Variants in BORCS5 observed in about 807,000 individuals in gnomAD.
The protein encoded by BORCS5 is BLOC-1 related complex subunit 5.
In BORCS5, 17 loss-of-function variants were observed where a neutral mutation model predicts 22.1. The observed-to-expected ratio is 0.77, with a 90% CI of 0.53 to 1.15. The LOEUF (loss-of-function observed/expected upper bound fraction) is 1.15. BORCS5 is among the 50% of genes most tolerant of loss of function. The pLI is 0.00. For missense variants in BORCS5, 247 were observed against 253.2 expected, an observed-to-expected ratio of 0.98 and a Z score of 0.17; for synonymous variants, 117 against 99.8, an observed-to-expected ratio of 1.17 and a Z score of -1.03.
intron 2 of BORCS5, 43 bp from the exon 3 acceptor site, chr12:12,435,585 T>TA: frequency 6.5e-7 from 1 of 1,549,752 alleles, no homozygotes; most frequent in South Asian, 1.2e-5. Flanking sequence ...ACAAGTTTAT[T>TA]AGCAGTAATT....
At chr12:12,398,268 G>A (rs1941395661) in intron 2 of BORCS5, among the ~76,000 whole-genome samples, 1 of 152,190 alleles carries the variant, frequency 6.6e-6, no homozygotes, top group South Asian at 2.1e-4. Flanking sequence ...CACTTGGCAA[G>A]AAGCAACTCT....
intron 3 of BORCS5, among the ~76,000 whole-genome samples, chr12:12,438,841 G>T (rs868056705): frequency 2.0e-5 from 3 of 152,146 alleles, no homozygotes; most frequent in South Asian, 2.1e-4. Context: ...AAAAGTGAAG[G>T]ATTCTTTTAA....
intron 2 of BORCS5, among the ~76,000 whole-genome samples, chr12:12,383,564 A>C (rs1354934689): frequency 6.7e-6 from 1 of 150,162 alleles, no homozygotes; most frequent in Non-Finnish European, 1.5e-5. Context: ...ATTCACTAGC[A>C]GATTTTCTCA....
chr12:12,462,652 T>TTATTG (rs1943129048), intron 3 of BORCS5, among the ~76,000 whole-genome samples: 3 of 94,360 alleles, frequency 3.2e-5, no homozygotes, highest in Non-Finnish European at 6.5e-5. Context: ...GAAGCTGGAT[T>TTATTG]TATTTTATTT....
intron 2 of BORCS5, among the ~76,000 whole-genome samples, chr12:12,369,120 A>G (rs972901934): frequency 2.0e-5 from 3 of 152,162 alleles, no homozygotes; most frequent in East Asian, 1.9e-4. Flanking sequence ...AAAGTCTATT[A>G]TTAGGCATAT....
At chr12:12,373,842 T>A (rs953979264) in intron 2 of BORCS5, among the ~76,000 whole-genome samples, 2 of 151,730 alleles carry the variant, frequency 1.3e-5, no homozygotes, top group Non-Finnish European at 1.5e-5. Flanking sequence ...TCCCAAAGAG[T>A]AGATAAACAT....
intron 3 of BORCS5, among the ~76,000 whole-genome samples, chr12:12,447,341 G>A (rs1185525900): frequency 1.3e-5 from 2 of 152,184 alleles, no homozygotes; most frequent in Non-Finnish European, 1.5e-5. Context: ...ACATGCAGAG[G>A]TCCCGGTTTC....
At chr12:12,394,891 C>T (rs545895269) in intron 2 of BORCS5, among the ~76,000 whole-genome samples, 37 of 152,116 alleles carry the variant, frequency 2.4e-4, no homozygotes, top group African/African-American at 8.2e-4. Context: ...TAACATCATC[C>T]ACATATAGAT....
rs1399014711 is a variant in BORCS5 at position 12,466,982 on chromosome 12, G to A, written c.*1206G>A. On this transcript the variant is annotated 3_prime_UTR_variant, in exon 4 of 4. Transcript: ENST00000314565. The stretch of plus-strand genomic sequence containing the variant: ...CTTGTGCTGTTGCTCAGGCTGGAGT[G>A]CAGTGGCGCAATCATAGCACACTGA... 2 of 152,200 alleles carry A rather than the reference G, an allele frequency of 1.3e-5. No individual in the cohort carries two copies. Among genetic ancestry groups the A allele is most frequent in the African/African-American group, 4.8e-5 (2 of 41,436 alleles). 9.4% of individuals were successfully genotyped at this position (152,200 alleles called of 1,614,324 possible). A position where few individuals can be genotyped will look rare whatever the true frequency, so the allele number is the denominator to read the frequency against.
intron 2 of BORCS5, among the ~76,000 whole-genome samples, chr12:12,434,224 A>G (rs530362232): frequency 8.7e-4 from 126 of 144,726 alleles, no homozygotes; most frequent in Non-Finnish European, 1.6e-3. Flanking sequence ...TCGAGGTTGC[A>G]GTGAGCTAAG....
At chr12:12,373,878 TG>T (rs1863584055) in intron 2 of BORCS5, among the ~76,000 whole-genome samples, 1 of 151,696 alleles carries the variant, frequency 6.6e-6, no homozygotes, top group Non-Finnish European at 1.5e-5. Context: ...TAATTTGGCC[TG>T]GGAATTTGGG....
chr12:12,422,322 A>C (rs1311554024), intron 2 of BORCS5, among the ~76,000 whole-genome samples: 1 of 152,048 alleles, frequency 6.6e-6, no homozygotes, highest in Non-Finnish European at 1.5e-5. Context: ...TTTATTAAGA[A>C]AGTGAAGGAG....
chr12:12,401,988 C>T (rs569933259), intron 2 of BORCS5, among the ~76,000 whole-genome samples: 7 of 150,770 alleles, frequency 4.6e-5, no homozygotes, highest in Admixed American at 4.0e-4. Flanking sequence ...ATGGCGTGAA[C>T]CCGGGAGGCG....
At chr12:12,367,653 G>C (rs1011045681) in intron 2 of BORCS5, among the ~76,000 whole-genome samples, 1 of 152,154 alleles carries the variant, frequency 6.6e-6, no homozygotes, top group Non-Finnish European at 1.5e-5. Flanking sequence ...CCAGGTGAAT[G>C]GTTGCTTTCA....
chr12:12,449,611 G>A (rs77492966), intron 3 of BORCS5, among the ~76,000 whole-genome samples: 3,410 of 152,278 alleles, frequency 0.022, 131 homozygotes, highest in African/African-American at 0.077. Context: ...AATTCCTGCC[G>A]TTCTGATATC....
chr12:12,425,935 T>C (rs1942276069), intron 2 of BORCS5, among the ~76,000 whole-genome samples: 1 of 152,190 alleles, frequency 6.6e-6, no homozygotes, highest in South Asian at 2.1e-4. Context: ...GTGAGGAAAT[T>C]AACACGAATT....
chr12:12,436,296 C>T (rs1313694075), intron 3 of BORCS5, among the ~76,000 whole-genome samples: 14 of 152,122 alleles, frequency 9.2e-5, no homozygotes, highest in African/African-American at 1.7e-4. Flanking sequence ...CTATTTAACC[C>T]GCAAAGTTTT....
chr12:12,438,814 T>C (rs1052262348), intron 3 of BORCS5, among the ~76,000 whole-genome samples: 2 of 152,224 alleles, frequency 1.3e-5, no homozygotes, highest in Non-Finnish European at 2.9e-5. Flanking sequence ...TTCATAAATA[T>C]TTAAGTATAT....
intron 2 of BORCS5, among the ~76,000 whole-genome samples, chr12:12,407,787 C>T (rs965026035): frequency 3.1e-4 from 47 of 151,308 alleles, no homozygotes; most frequent in African/African-American, 1.1e-3. Context: ...CTCACTGCGA[C>T]CTCCCTCTAC....
Sources: allele counts gnomAD v4.1 joint callset (sites outside exome capture counted in the v4.1 genomes callset), GRCh38; gene constraint gnomAD v4.1.1; transcripts MANE v1.5; gene names NCBI Gene and HGNC (gene_info 2026-07-23, HGNC 2026-07-21).